CIB1: variants seen among roughly 807,000 people sequenced by gnomAD.
CIB1 encodes the protein calcium and integrin-binding protein 1.
CIB1 carries 19 observed loss-of-function variants against 25.0 expected under a neutral mutation model. That is an observed-to-expected ratio of 0.76 (90% CI 0.53 to 1.12). CIB1 has a LOEUF of 1.12. Among genes scored for constraint, CIB1 ranks in the 50% most tolerant of loss-of-function variants. The pLI, the probability that CIB1 is intolerant of heterozygous loss-of-function variation, is 0.00. For synonymous variants in CIB1, 104 were observed against 98.5 expected, an observed-to-expected ratio of 1.06 and a Z score of -0.33; for missense variants, 236 against 242.6, an observed-to-expected ratio of 0.97 and a Z score of 0.18.
chr15:90,249,246 TGAG>T, the CIB1 span, among the ~76,000 whole-genome samples: 1 of 147,204 alleles, frequency 6.8e-6, no homozygotes, highest in Non-Finnish European at 1.5e-5. Flanking sequence ...AAGGGAGAAT[TGAG>T]GAGAGGCAAA....
At chr15:90,241,595 C>T in the CIB1 span, 11 of 1,613,526 alleles carry the variant, frequency 6.8e-6, no homozygotes, top group Non-Finnish European at 9.3e-6. Flanking sequence ...ACAGACTGCC[C>T]GTGGAGCAGG....
At chr15:90,263,656 A>C in the CIB1 span, 1 of 605,224 alleles carries the variant, frequency 1.7e-6, no homozygotes, top group South Asian at 2.0e-5. Context: ...GGCCTAGAAG[A>C]GATTTTTTTC....
the CIB1 span, chr15:90,257,941 C>G: frequency 8.2e-7 from 1 of 1,216,740 alleles, no homozygotes; most frequent in Non-Finnish European, 1.2e-6. Flanking sequence ...CTTCAAAGCC[C>G]GGGCATGCAA....
chr15:90,235,441 G>C (rs935635910), upstream of CIB1, among the ~76,000 whole-genome samples: 3 of 152,018 alleles, frequency 2.0e-5, no homozygotes, highest in Non-Finnish European at 1.5e-5. Flanking sequence ...TTAAACCTGG[G>C]AGCTGGAGGT....
the CIB1 span, chr15:90,264,648 C>T: frequency 6.7e-7 from 1 of 1,494,002 alleles, no homozygotes; most frequent in Admixed American, 2.1e-5. Flanking sequence ...GTAATTGGGC[C>T]ACAGTTGGGA....
chr15:90,262,231 G>T, the CIB1 span: 1 of 1,476,740 alleles, frequency 6.8e-7, no homozygotes, highest in Non-Finnish European at 9.0e-7. Context: ...CCTAGGTGGG[G>T]ACAAGTCCTG....
the CIB1 span, chr15:90,258,113 C>T: frequency 6.2e-7 from 1 of 1,614,170 alleles, no homozygotes; most frequent in Non-Finnish European, 8.5e-7. Context: ...ACATCGAGGA[C>T]ATCATCATCA....
the CIB1 span, among the ~76,000 whole-genome samples, chr15:90,246,972 T>TTTCC: frequency 6.6e-6 from 1 of 150,502 alleles, no homozygotes; most frequent in East Asian, 1.9e-4. Context: ...CATTTCTTTC[T>TTTCC]TTCCTTTTTT....
At chr15:90,261,993 T>C in the CIB1 span, 1 of 1,526,158 alleles carries the variant, frequency 6.6e-7, no homozygotes, top group Admixed American at 2.0e-5. Context: ...CTCACTGAGC[T>C]TGCTTTCCAC....
chr15:90,253,677 G>A, the CIB1 span, among the ~76,000 whole-genome samples: 1 of 152,160 alleles, frequency 6.6e-6, no homozygotes, highest in South Asian at 2.1e-4. Context: ...AATACTGGGA[G>A]GCAGCTTCAG....
chr15:90,259,224 A>G, the CIB1 span: 3 of 389,304 alleles, frequency 7.7e-6, no homozygotes, highest in Non-Finnish European at 1.4e-5. Flanking sequence ...CAAAGGAATA[A>G]TAATTAAAAA....
chr15:90,234,012 C>T, upstream of CIB1: 1 of 1,094,056 alleles, frequency 9.1e-7, no homozygotes, highest in Non-Finnish European at 1.2e-6. Context: ...ACCCCCGGGC[C>T]CGCCCCCTCC....
intron 4 of CIB1, 69 bp from the exon 5 acceptor site, chr15:90,231,282 C>A: frequency 1.9e-6 from 3 of 1,608,122 alleles, no homozygotes; most frequent in Non-Finnish European, 2.6e-6. Flanking sequence ...AAACGGCGCC[C>A]ATTTCCCAAG....
chr15:90,252,990 C>T, the CIB1 span, among the ~76,000 whole-genome samples: 2 of 152,114 alleles, frequency 1.3e-5, no homozygotes, highest in Non-Finnish European at 2.9e-5. Flanking sequence ...GGGCGAAACT[C>T]CGTCTCTAAA....
At chr15:90,260,314 A>C in the CIB1 span, among the ~76,000 whole-genome samples, 1 of 151,852 alleles carries the variant, frequency 6.6e-6, no homozygotes, top group Non-Finnish European at 1.5e-5. Flanking sequence ...CCTGGGCAAC[A>C]GGCAAAACCC....
chr15:90,258,429 T>C, the CIB1 span: 2 of 687,646 alleles, frequency 2.9e-6, no homozygotes, highest in Non-Finnish European at 4.9e-6. Flanking sequence ...TCTCTACCCT[T>C]TTGACCTGCT....
At chr15:90,246,575 G>C in the CIB1 span, among the ~76,000 whole-genome samples, 1 of 151,158 alleles carries the variant, frequency 6.6e-6, no homozygotes, top group Non-Finnish European at 1.5e-5. Flanking sequence ...GATCACCTGA[G>C]GTCAAGAGTT....
chr15:90,241,501 A>C, the CIB1 span: 2 of 1,613,482 alleles, frequency 1.2e-6, no homozygotes, highest in Non-Finnish European at 1.7e-6. Context: ...CTGAGCTTAC[A>C]CCCGGGCTTC....
chr15:90,236,524 A>G (rs1172066464), upstream of CIB1, among the ~76,000 whole-genome samples: 1 of 152,066 alleles, frequency 6.6e-6, no homozygotes, highest in Non-Finnish European at 1.5e-5. Flanking sequence ...CATTTGGCAT[A>G]TTTCTCATTG....
Sources: allele counts gnomAD v4.1 joint callset (sites outside exome capture counted in the v4.1 genomes callset), GRCh38; gene constraint gnomAD v4.1.1; transcripts MANE v1.5; gene names NCBI Gene and HGNC (gene_info 2026-07-23, HGNC 2026-07-21).